TASP1: variants seen among roughly 807,000 people sequenced by gnomAD.
The protein encoded by TASP1 is taspase 1, also known as threonine aspartase 1.
In TASP1, 16 loss-of-function variants were observed where a neutral mutation model predicts 56.6. That is an observed-to-expected ratio of 0.28 (90% CI 0.19 to 0.43). TASP1 has a LOEUF of 0.43. Ranked by LOEUF, TASP1 falls within the 20% of genes least tolerant of loss-of-function variation. TASP1 has a pLI of 1.00. For missense variants in TASP1, 393 were observed against 511.6 expected (o/e 0.77, Z 2.24); for synonymous variants, 179 against 184.2 (o/e 0.97, Z 0.23).
chr20:13,109,987 G>C, the TASP1 span: 2 of 714,180 alleles, frequency 2.8e-6, no homozygotes, highest in Non-Finnish European at 4.5e-6. Context: ...AGGGTTCTCT[G>C]ATTCTGAATT....
chr20:13,492,049 A>C (rs1410145329), intron 10 of TASP1, among the ~76,000 whole-genome samples: 1 of 152,164 alleles, frequency 6.6e-6, no homozygotes, highest in Non-Finnish European at 1.5e-5. Flanking sequence ...CCCAGAGGGG[A>C]AAAAGTGAAG....
chr20:13,341,227 T>A, the TASP1 span, among the ~76,000 whole-genome samples: 1 of 152,242 alleles, frequency 6.6e-6, no homozygotes, highest in African/African-American at 2.4e-5. Context: ...AGAATAAGCA[T>A]GCTAACTTTT....
At chr20:13,238,406 T>G in the TASP1 span, among the ~76,000 whole-genome samples, 1 of 152,218 alleles carries the variant, frequency 6.6e-6, no homozygotes, top group Non-Finnish European at 1.5e-5. Context: ...AGCCCATTAC[T>G]CATTAACTTA....
chr20:13,509,749 C>T (rs1408574868), intron 10 of TASP1, among the ~76,000 whole-genome samples: 3 of 152,220 alleles, frequency 2.0e-5, no homozygotes, highest in Non-Finnish European at 2.9e-5. Flanking sequence ...GCCTCAGCCT[C>T]CTGACTAGCT....
rs529344184 is a variant in TASP1, at chr20:13,496,988, T to C, written c.875-13651A>G. On this transcript the variant is annotated intron_variant, in intron 10 of 13. Coordinates refer to ENST00000337743, the MANE Select transcript of TASP1 (RefSeq NM_017714.3). ...GCTGTAGATGAGGACAAGAAATTAG[T>C]TGAACTTTAATAAACTTCAAATGAC... Among the ~76,000 whole-genome samples the C allele has an allele frequency of 3.0e-4, 45 of 152,332 alleles. 1 individual carries two copies. The highest frequency in any genetic ancestry group is 4.7e-4 in the Non-Finnish European group (32 of 68,028).
chr20:13,311,673 A>G, the TASP1 span, among the ~76,000 whole-genome samples: 2 of 152,220 alleles, frequency 1.3e-5, no homozygotes, highest in South Asian at 4.1e-4. Flanking sequence ...GTTTAGTGAT[A>G]TAAGTCAGGC....
chr20:13,254,309 T>G, the TASP1 span, among the ~76,000 whole-genome samples: 1 of 151,960 alleles, frequency 6.6e-6, no homozygotes. Context: ...TATAACCATA[T>G]ACATATACTT....
the TASP1 span, among the ~76,000 whole-genome samples, chr20:13,162,089 G>T: frequency 6.6e-6 from 1 of 152,214 alleles, no homozygotes; most frequent in Non-Finnish European, 1.5e-5. Context: ...ATGAGTTGGT[G>T]TTAAGAAAAG....
At chr20:13,378,407 G>C in the TASP1 span, among the ~76,000 whole-genome samples, 1 of 152,132 alleles carries the variant, frequency 6.6e-6, no homozygotes. Flanking sequence ...TTAATCCTGA[G>C]TTCTAATTTG....
the TASP1 span, among the ~76,000 whole-genome samples, chr20:13,309,316 C>T: frequency 6.7e-6 from 1 of 150,066 alleles, no homozygotes; most frequent in East Asian, 1.9e-4. Context: ...GAATAAAGGA[C>T]AAAACATTTT....
chr20:13,278,432 C>A, the TASP1 span, among the ~76,000 whole-genome samples: 1 of 152,156 alleles, frequency 6.6e-6, no homozygotes, highest in African/African-American at 2.4e-5. Flanking sequence ...TCTCTATACA[C>A]CCTGAAGCAA....
At chr20:13,498,855 T>G (rs1441679534) in intron 10 of TASP1, among the ~76,000 whole-genome samples, 1 of 150,208 alleles carries the variant, frequency 6.7e-6, no homozygotes, top group Non-Finnish European at 1.5e-5. Context: ...ACTTATACAC[T>G]GTTGGTGGGA....
the TASP1 span, among the ~76,000 whole-genome samples, chr20:13,187,536 T>C: frequency 1.3e-5 from 2 of 150,766 alleles, no homozygotes; most frequent in Non-Finnish European, 3.0e-5. Context: ...GATCACAAGG[T>C]CAAGAGATCA....
the TASP1 span, among the ~76,000 whole-genome samples, chr20:13,348,525 A>T: frequency 2.0e-5 from 3 of 152,230 alleles, no homozygotes; most frequent in Non-Finnish European, 4.4e-5. Context: ...TAGCAAGGCA[A>T]CCCGTGCCTA....
At chr20:13,175,760 A>G in the TASP1 span, among the ~76,000 whole-genome samples, 61 of 152,346 alleles carry the variant, frequency 4.0e-4, no homozygotes, top group African/African-American at 1.4e-3. Flanking sequence ...TATCTCTGAA[A>G]GGTCATATTC....
the TASP1 span, among the ~76,000 whole-genome samples, chr20:13,365,648 C>T: frequency 1.3e-5 from 2 of 152,022 alleles, no homozygotes; most frequent in African/African-American, 2.4e-5. Flanking sequence ...GCCGCAGTGG[C>T]GAGGGGAGAG....
At chr20:13,503,314 T>A (rs774163326) in intron 10 of TASP1, among the ~76,000 whole-genome samples, 1 of 152,046 alleles carries the variant, frequency 6.6e-6, no homozygotes, top group South Asian at 2.1e-4. Flanking sequence ...CAAATAGAAG[T>A]GTCTTGTGCA....
At chr20:13,355,095 G>A in the TASP1 span, among the ~76,000 whole-genome samples, 2 of 152,046 alleles carry the variant, frequency 1.3e-5, no homozygotes, top group Non-Finnish European at 2.9e-5. Flanking sequence ...GGCATATGGC[G>A]GTATTATGGT....
At chr20:13,575,705 C>T (rs1473510513) in intron 6 of TASP1, among the ~76,000 whole-genome samples, 1 of 152,080 alleles carries the variant, frequency 6.6e-6, no homozygotes, top group Non-Finnish European at 1.5e-5. Context: ...CTGTGATTAA[C>T]CTACAGCAAT....
Sources: gnomAD v4.1 joint callset for allele counts (sites outside exome capture counted in the v4.1 genomes callset) on GRCh38, gnomAD v4.1.1 for gene constraint, MANE v1.5 for transcripts, NCBI Gene and HGNC (gene_info 2026-07-23, HGNC 2026-07-21) for gene names.